The following TRPM2 variants were observed in gnomAD, a reference collection of about 807,000 sequenced individuals.
The protein encoded by TRPM2 is transient receptor potential cation channel subfamily M member 2, also known as estrogen-responsive element-associated gene 1 protein.
In TRPM2, 161 loss-of-function variants were observed where a neutral mutation model predicts 174.0. The observed-to-expected ratio is 0.93, with a 90% CI of 0.81 to 1.05. The LOEUF is 1.05. Ranked by LOEUF, TRPM2 falls within the 50% of genes least tolerant of loss-of-function variation. TRPM2 has a pLI of 0.00. For missense variants in TRPM2, 2,057 were observed against 2,038.0 expected (o/e 1.01, Z -0.18); for synonymous variants, 954 against 861.3 (o/e 1.11, Z -1.88).
At chr21:44,418,811 C>T (rs940017651) in intron 22 of TRPM2, among the ~76,000 whole-genome samples, 3 of 152,100 alleles carry the variant, frequency 2.0e-5, no homozygotes, top group Admixed American at 1.3e-4. Flanking sequence ...GAAGCCTTGG[C>T]GGCTGGGGGA....
chr21:44,395,464 G>A lies in TRPM2; in HGVS notation c.1845G>A (p.Val615=). The A allele has an allele frequency of 6.2e-7, 1 of 1,613,036 alleles. No individual in the cohort carries two copies. The highest frequency in any genetic ancestry group is 8.5e-7 in the Non-Finnish European group (1 of 1,179,966). Reference sequence around the variant, plus strand: ...TCTACAAGCGTTCCTCAGGCCATGTGACCTTCACCATGGACCCCATCCGTG... The same window carrying A: ...TCTACAAGCGTTCCTCAGGCCATGTAACCTTCACCATGGACCCCATCCGTG... ...RSLYKRSSGH[V]TFTMDPIRDL... Residue 615 remains valine, a synonymous_variant, in exon 12 of 32, where the codon GTG becomes GTA. Coordinates refer to ENST00000397928, the MANE Select transcript of TRPM2 (RefSeq NM_003307.4).
intron 24 of TRPM2, chr21:44,425,334 A>G (rs913458587): frequency 6.9e-5 from 28 of 407,724 alleles, no homozygotes; most frequent in African/African-American, 5.3e-4. Flanking sequence ...AATGCACATC[A>G]GTAGCCTTCC....
chr21:44,381,570 T>C (rs1373305884), intron 8 of TRPM2, among the ~76,000 whole-genome samples: 2 of 150,438 alleles, frequency 1.3e-5, no homozygotes, highest in Non-Finnish European at 3.0e-5. Flanking sequence ...GATAGGTAGA[T>C]TAGATGGATG....
chr21:44,371,063 G>T (rs1267622710), intron 5 of TRPM2, among the ~76,000 whole-genome samples: 4 of 152,266 alleles, frequency 2.6e-5, no homozygotes, highest in African/African-American at 7.2e-5. Context: ...TAGTCTATCA[G>T]ATCTGGAATC....
intron 5 of TRPM2, among the ~76,000 whole-genome samples, chr21:44,373,587 C>G (rs575340033): frequency 2.8e-5 from 3 of 106,164 alleles, no homozygotes; most frequent in Non-Finnish European, 6.8e-5. Context: ...TTATATGCGA[C>G]CTGCATTATA....
chr21:44,350,877 G>A (rs1347973218), upstream of TRPM2, among the ~76,000 whole-genome samples: 5 of 152,260 alleles, frequency 3.3e-5, no homozygotes, highest in East Asian at 9.7e-4. Context: ...AGCCGTCCTC[G>A]TGCCCCTGCC....
chr21:44,404,372 CACAT>C (rs1022056844), intron 16 of TRPM2, among the ~76,000 whole-genome samples: 8 of 87,080 alleles, frequency 9.2e-5, no homozygotes, highest in African/African-American at 1.8e-4. Flanking sequence ...ACAGAATGCA[CACAT>C]ACATACACAC....
chr21:44,353,609 C>T, upstream of TRPM2: 1 of 1,364,628 alleles, frequency 7.3e-7, no homozygotes, highest in East Asian at 3.1e-5. Flanking sequence ...AGCAACCACC[C>T]CATGTGTCTC....
rs766841197 is a variant in TRPM2 at position 44,401,751 on chromosome 21, G to C, written c.2392G>C (p.Val798Leu). The change falls in exon 16 of 32, where the codon GTC (valine) becomes CTC (leucine). Residue 798 changes from valine to leucine, a missense_variant. Coordinates refer to ENST00000397928, the MANE Select transcript of TRPM2 (RefSeq NM_003307.4). ...TGCCTTCTTCACCGCACCCGTGGTG[G>C]TCTTCCACCTGAACATCCTCTCCTA... ...ARAFFTAPVV[V>L]FHLNILSYFA... 1.2e-6 allele frequency: 2 copies of C among 1,613,624 alleles called. No individual in the cohort carries two copies. Among genetic ancestry groups the C allele is most frequent in the Non-Finnish European group, 1.7e-6 (2 of 1,180,004 alleles).
chr21:44,372,341 A>G (rs1340874093), intron 5 of TRPM2, among the ~76,000 whole-genome samples: 2 of 151,740 alleles, frequency 1.3e-5, no homozygotes, highest in African/African-American at 2.4e-5. Context: ...CCGTCTCTAC[A>G]AAAAATTAGC....
intron 22 of TRPM2, among the ~76,000 whole-genome samples, chr21:44,419,897 A>ATGGTGATGGTGACAGTGGTGG (rs1356530173): frequency 3.9e-5 from 3 of 76,570 alleles, no homozygotes; most frequent in Non-Finnish European, 8.5e-5. Flanking sequence ...GTGGATGGTA[A>ATGGTGATGGTGACAGTGGTGG]TGGTGATGGT....
chr21:44,405,754 C>T, intron 17 of TRPM2, 151 bp from the exon 18 acceptor site: 2 of 962,088 alleles, frequency 2.1e-6, no homozygotes, highest in Non-Finnish European at 3.1e-6. Context: ...AATCTCATGC[C>T]AGCTTTGAAC....
chr21:44,388,475 A>C (rs1302252495), intron 9 of TRPM2, among the ~76,000 whole-genome samples: 2 of 152,098 alleles, frequency 1.3e-5, no homozygotes, highest in African/African-American at 4.8e-5. Context: ...TATATGGAGA[A>C]GGACAGTGAT....
At chr21:44,362,560 A>C (rs1364781782) in intron 2 of TRPM2, among the ~76,000 whole-genome samples, 2 of 151,958 alleles carry the variant, frequency 1.3e-5, no homozygotes, top group Non-Finnish European at 2.9e-5. Flanking sequence ...ATAGTGTTAT[A>C]ATTTTTGCTT....
chr21:44,377,403 C>A (rs1455353460), intron 6 of TRPM2, among the ~76,000 whole-genome samples: 1 of 152,104 alleles, frequency 6.6e-6, no homozygotes, highest in African/African-American at 2.4e-5. Context: ...GGGAAGCAAG[C>A]GAGCGGGGAA....
At position 44,406,832 on chromosome 21, in the gene TRPM2, G is replaced by A. The variant is rs1490511112; in HGVS notation, c.2962+67G>A. The stretch of plus-strand genomic sequence containing the variant: ...GAAGCAGGAGAGAGGCTGGAAAGGG[G>A]CCGCATGAGTGGGAGTGAGGCCGGC... On this transcript the variant is annotated intron_variant, in intron 19 of 31. Transcript: ENST00000397928. 7 of 1,538,898 alleles carry A rather than the reference G, an allele frequency of 4.5e-6. No homozygotes were observed. The African/African-American group carries it at 5.5e-5, about 12-fold the overall frequency.
chr21:44,356,376 C>T (rs1455140297), intron 2 of TRPM2, among the ~76,000 whole-genome samples: 2 of 151,336 alleles, frequency 1.3e-5, no homozygotes, highest in Admixed American at 6.6e-5. Flanking sequence ...AAAGGGGTCC[C>T]GATCCAGACC....
chr21:44,369,136 C>G (rs1467081639), intron 4 of TRPM2, 41 bp from the exon 5 acceptor site: 1 of 1,545,600 alleles, frequency 6.5e-7, no homozygotes, highest in Admixed American at 2.0e-5. Context: ...TCAGGTGCCC[C>G]TCAGTGCTGT....
chr21:44,397,426 G>A (rs947223477), intron 12 of TRPM2, among the ~76,000 whole-genome samples: 1 of 152,182 alleles, frequency 6.6e-6, no homozygotes, highest in Non-Finnish European at 1.5e-5. Context: ...GCACGCACAG[G>A]CCGGGTGGTG....
Sources: gnomAD v4.1 joint callset for allele counts (sites outside exome capture counted in the v4.1 genomes callset) on GRCh38, gnomAD v4.1.1 for gene constraint, MANE v1.5 for transcripts, NCBI Gene and HGNC (gene_info 2026-07-23, HGNC 2026-07-21) for gene names.